CBFB: variants seen among roughly 807,000 people sequenced by gnomAD.
CBFB encodes core-binding factor subunit beta, also known as CBF-beta.
A neutral mutation model predicts 30.4 loss-of-function variants in CBFB; 9 were observed. The observed-to-expected ratio is 0.30, with a 90% CI of 0.18 to 0.52. The LOEUF (loss-of-function observed/expected upper bound fraction) is 0.52, where lower values mean the gene tolerates loss of function less well. Ranked by LOEUF, CBFB falls within the 20% of genes least tolerant of loss-of-function variation. CBFB has a pLI of 0.97. For synonymous variants in CBFB, 94 were observed against 84.0 expected (o/e 1.12, Z -0.65); for missense variants, 170 against 244.0 (o/e 0.70, Z 2.02).
intron 4 of CBFB, among the ~76,000 whole-genome samples, chr16:67,078,435 A>G (rs1265808748): frequency 6.6e-6 from 1 of 152,062 alleles, no homozygotes; most frequent in African/African-American, 2.4e-5. Flanking sequence ...AGTCCCTGCT[A>G]CTTGGGAGCC....
At chr16:67,032,387 A>T (rs934165584) in intron 2 of CBFB, among the ~76,000 whole-genome samples, 4 of 152,228 alleles carry the variant, frequency 2.6e-5, no homozygotes, top group Admixed American at 6.5e-5. Context: ...GAGAAGTATT[A>T]AAGGTTAAAG....
At chr16:67,045,791 TCTACA>T (rs1412541658) in intron 3 of CBFB, among the ~76,000 whole-genome samples, 8 of 149,634 alleles carry the variant, frequency 5.3e-5, no homozygotes, top group Admixed American at 1.3e-4. Context: ...CCTTCTACTT[TCTACA>T]TTTTTTTTTT....
In CBFB at chr16:67,100,016, A is replaced by G. The variant is rs145076078; in HGVS notation, c.*1238A>G. The G allele has an allele frequency of 3.0e-3, 629 of 209,692 alleles. 10 individuals are homozygous for G. The highest frequency in any genetic ancestry group is 0.013 in the African/African-American group (588 of 44,176). The allele number at this position is 209,692 out of a possible 1,614,324, so 13.0% of individuals were successfully genotyped here. ...AGGACTATTAATAGAACCTTTTGAGATGAATTAATGTAAGAATATTTTTTA... is the reference window on the plus strand; with the variant it reads ...AGGACTATTAATAGAACCTTTTGAGGTGAATTAATGTAAGAATATTTTTTA... On this transcript the variant is annotated 3_prime_UTR_variant, in exon 6 of 6. Coordinates refer to ENST00000412916, the MANE Select transcript of CBFB (RefSeq NM_022845.3).
At chr16:67,030,885 C>T (rs979488405) in intron 2 of CBFB, among the ~76,000 whole-genome samples, 1 of 152,272 alleles carries the variant, frequency 6.6e-6, no homozygotes, top group African/African-American at 2.4e-5. Flanking sequence ...TGAGCCACTG[C>T]GTCTGGCCTG....
intron 5 of CBFB, among the ~76,000 whole-genome samples, chr16:67,085,358 C>A (rs954297266): frequency 6.6e-6 from 1 of 152,004 alleles, no homozygotes; most frequent in Admixed American, 6.6e-5. Context: ...TTAGTAGACA[C>A]GAGGTTTCAC....
intron 5 of CBFB, among the ~76,000 whole-genome samples, chr16:67,084,083 C>T (rs1473785995): frequency 1.4e-5 from 2 of 140,894 alleles, no homozygotes; most frequent in East Asian, 4.5e-4. Flanking sequence ...AGGGGGATAG[C>T]TTGAGCCTAG....
chr16:67,040,978 G>A (rs1428855855), intron 3 of CBFB, among the ~76,000 whole-genome samples: 3 of 152,356 alleles, frequency 2.0e-5, no homozygotes, highest in Middle Eastern at 3.4e-3. Flanking sequence ...TGTGGCTGGA[G>A]TAGACTGTGA....
chr16:67,082,521 T>C (rs114329301), intron 5 of CBFB, among the ~76,000 whole-genome samples: 3,063 of 152,330 alleles, frequency 0.02, 96 homozygotes, highest in African/African-American at 0.069. Flanking sequence ...TCCTCATTCA[T>C]TGGTCTTCAT....
In CBFB at chr16:67,036,731, C is replaced by T. The variant is rs765843214; in HGVS notation, c.258C>T (p.Val86=). Residue 86 remains valine, a synonymous_variant, in exon 3 of 6, where the codon GTC becomes GTT. Coordinates refer to ENST00000412916, the MANE Select transcript of CBFB (RefSeq NM_022845.3). Reference sequence around the variant, plus strand: ...GACAAACACCTAGCCGAGAGTATGTCGACTTAGAAAGAGAAGCAGGCAAGG... The same window carrying T: ...GACAAACACCTAGCCGAGAGTATGTTGACTTAGAAAGAGAAGCAGGCAAGG... ...EQRQTPSREY[V]DLEREAGKVY... is the part of the protein sequence containing the mutation. The T allele has an allele frequency of 3.1e-6, 5 of 1,610,426 alleles. No individual in the cohort carries two copies. The South Asian group carries it at 3.3e-5, about 11-fold the overall frequency.
intron 4 of CBFB, among the ~76,000 whole-genome samples, chr16:67,072,762 G>A (rs1417616185): frequency 6.6e-6 from 1 of 150,874 alleles, no homozygotes; most frequent in East Asian, 1.9e-4. Context: ...CACCATGCCC[G>A]GCCTCTTTTT....
At chr16:67,058,007 A>G (rs1167038742) in intron 3 of CBFB, among the ~76,000 whole-genome samples, 4 of 152,236 alleles carry the variant, frequency 2.6e-5, no homozygotes, top group Non-Finnish European at 2.9e-5. Context: ...CCAAATTCTA[A>G]AAAACATTAT....
At position 67,029,882 on chromosome 16, in the gene CBFB, C is replaced by T. The variant is rs1248681069; in HGVS notation, c.165+69C>T. ...GGGGCCGCGGCGGCCCAGGCCGGTT[C>T]CGGACGGCGGCGCGGCTGCTGCGGC... is the stretch of plus-strand genomic sequence containing the variant. On this transcript the variant is annotated intron_variant, in intron 2 of 5. Transcript: ENST00000412916. 17 of 1,078,164 alleles carry T rather than the reference C, an allele frequency of 1.6e-5. No individual in the cohort carries two copies. In the South Asian group the frequency reaches 3.1e-4, roughly 20 times the overall value. The allele number at this position is 1,078,164 out of a possible 1,614,324, so 66.8% of individuals were successfully genotyped here.
At chr16:67,080,361 G>A (rs1961521622) in intron 4 of CBFB, among the ~76,000 whole-genome samples, 1 of 152,112 alleles carries the variant, frequency 6.6e-6, no homozygotes, top group South Asian at 2.1e-4. Flanking sequence ...TAGGAATGAA[G>A]AGGAGACTGA....
rs1343392450 is a variant in CBFB at position 67,075,207 on chromosome 16, G to A, written c.400-7006G>A. Reference sequence around the variant, plus strand: ...TCTATCTCAAAAAAAATGTGTGTGTGTGTGTGTGTGTGTGTGTGTGTGTGT... The same window carrying A: ...TCTATCTCAAAAAAAATGTGTGTGTATGTGTGTGTGTGTGTGTGTGTGTGT... On this transcript the variant is annotated intron_variant, in intron 4 of 5. Coordinates refer to ENST00000412916, the MANE Select transcript of CBFB (RefSeq NM_022845.3). 1.9e-4 allele frequency among the ~76,000 whole-genome samples: 26 copies of A among 134,864 alleles called. No individual in the cohort carries two copies. In the South Asian group the frequency reaches 2.3e-3, roughly 12 times the overall value. The allele number at this position is 134,864 out of a possible 152,430, so 88.5% of individuals were successfully genotyped here.
chr16:67,038,199 A>C (rs1421991594), intron 3 of CBFB, among the ~76,000 whole-genome samples: 1 of 151,962 alleles, frequency 6.6e-6, no homozygotes, highest in African/African-American at 2.4e-5. Context: ...AAGTGTCATC[A>C]TGAATAGCAT....
chr16:67,089,697 G>A (rs904546421), intron 5 of CBFB, among the ~76,000 whole-genome samples: 13 of 152,102 alleles, frequency 8.5e-5, no homozygotes, highest in African/African-American at 2.9e-4. Flanking sequence ...GTGTTTTTAC[G>A]GAACCCAGTG....
intron 4 of CBFB, among the ~76,000 whole-genome samples, chr16:67,081,762 G>C (rs1961562014): frequency 6.6e-6 from 1 of 152,012 alleles, no homozygotes; most frequent in Admixed American, 6.6e-5. Flanking sequence ...GTTGTGGTGA[G>C]CTATGATTCC....
At position 67,029,817 on chromosome 16, in the gene CBFB, A is replaced by G. The variant is rs1966301718; in HGVS notation, c.165+4A>G. The G allele has an allele frequency of 6.3e-7, 1 of 1,582,082 alleles. No individual in the cohort carries two copies. The highest frequency in any genetic ancestry group is 1.4e-5 in the African/African-American group (1 of 71,234). ...CCGCGACGGCCGCTCGGAAATCGTA[A>G]GTCGGCTGGCCCGGGGCGCGCGCGG... On this transcript the variant is annotated splice_donor_region_variant and intron_variant, in intron 2 of 5. Transcript: ENST00000412916.
At chr16:67,098,245 C>T (rs933404296) in intron 5 of CBFB, among the ~76,000 whole-genome samples, 7 of 152,176 alleles carry the variant, frequency 4.6e-5, no homozygotes, top group Non-Finnish European at 7.3e-5. Flanking sequence ...AAGGGATTCT[C>T]ATGCCTCAGC....
Sources: allele counts gnomAD v4.1 joint callset (sites outside exome capture counted in the v4.1 genomes callset), GRCh38; gene constraint gnomAD v4.1.1; transcripts MANE v1.5; gene names NCBI Gene and HGNC (gene_info 2026-07-23, HGNC 2026-07-21).